The following TNK1 variants were observed in gnomAD, a reference collection of about 807,000 sequenced individuals.
TNK1 encodes tyrosine kinase non receptor 1, also known as non-receptor tyrosine-protein kinase TNK1.
Under a neutral mutation model 65.2 loss-of-function variants are expected in TNK1, and 53 were observed. The observed-to-expected ratio is 0.81, with a 90% confidence interval of 0.65 to 1.02. TNK1 has a LOEUF of 1.02. Ranked by LOEUF, TNK1 falls within the 50% of genes least tolerant of loss-of-function variation. TNK1 has a pLI of 0.00. For synonymous variants in TNK1, 353 were observed against 364.6 expected (o/e 0.97, Z 0.36); for missense variants, 837 against 878.4 (o/e 0.95, Z 0.60).
Position 7,384,563 on chromosome 17 carries a change from ATGTTCTCC to A in TNK1, c.947_954del (p.Met316ArgfsTer26). On this transcript the variant is annotated frameshift_variant, in exon 7 of 13. Coordinates refer to ENST00000688331, the MANE Select transcript of TNK1 (RefSeq NM_003985.6). LOFTEE classifies it high-confidence loss of function. ...GATGTTTGGGGTGACGCTGTGGGAG[ATGTTCTCC>A]GGGGGCGAGGAACCCTGGGCCGGGG... is the stretch of plus-strand genomic sequence containing the variant. The A allele has an allele frequency of 2.5e-6, 4 of 1,611,084 alleles. No homozygotes were observed. The highest frequency in any genetic ancestry group is 3.4e-6 in the Non-Finnish European group (4 of 1,178,536).
In TNK1 at chr17:7,384,209, G is replaced by T; in HGVS notation, c.822G>T (p.Arg274=). The change falls in exon 6 of 13, where the codon CGG becomes CGT. Residue 274 remains arginine (R), a synonymous_variant. Transcript: ENST00000688331. The stretch of plus-strand genomic sequence containing the variant: ...TGGTGCGGCCTCTGGGCGGTGCCCG[G>T]GGCCGCTACGTCATGGGCGGGCCCC... ...FGLVRPLGGA[R]GRYVMGGPRP... is the part of the protein sequence containing the mutation. The T allele has an allele frequency of 2.0e-6, 3 of 1,519,622 alleles. No homozygotes were observed. The highest frequency in any genetic ancestry group is 2.6e-6 in the Non-Finnish European group (3 of 1,141,508). 94.1% of individuals were successfully genotyped at this position (1,519,622 alleles called of 1,614,324 possible).
At chr17:7,384,383 A>G (rs1905051246) in intron 6 of TNK1, 101 bp from the exon 7 acceptor site, 4 of 1,441,774 alleles carry the variant, frequency 2.8e-6, no homozygotes, top group Non-Finnish European at 3.6e-6. Flanking sequence ...CTAGGCAAAG[A>G]GGACTTTTGT....
chr17:7,388,818 C>G lies in TNK1; in HGVS notation c.1807C>G (p.Gln603Glu). The G allele has an allele frequency of 6.2e-7, 1 of 1,608,056 alleles. No homozygotes were observed. The change falls in exon 12 of 13, where the codon CAG becomes GAG. Residue 603 changes from glutamine to glutamate, a missense_variant. Gln to Glu is a conservative substitution (Grantham distance 29). Coordinates refer to ENST00000688331, the MANE Select transcript of TNK1 (RefSeq NM_003985.6). The surrounding 1 kb of genome is among the most constrained non-coding windows in gnomAD (Gnocchi z 4.5). ...VELSVHGVTHQECQTALGATG... is the reference protein window; with the variant it reads ...VELSVHGVTHEECQTALGATG... ...GCTGAGTGTGCATGGGGTCACCCACCAGGAGTGCCAGACAGCACTAGGAGC... is the reference window on the plus strand; with the variant it reads ...GCTGAGTGTGCATGGGGTCACCCACGAGGAGTGCCAGACAGCACTAGGAGC...
At position 7,388,365 on chromosome 17, in the gene TNK1, C is replaced by T. The variant is rs898691987; in HGVS notation, c.1478-41C>T. 7 of 1,544,734 alleles carry T rather than the reference C, an allele frequency of 4.5e-6. No individual in the cohort carries two copies. Among genetic ancestry groups the T allele is most frequent in the South Asian group, 2.5e-5 (2 of 80,050 alleles). ...GCTTGAGCCCGGGAGGCGGAGGCTG[C>T]AGCCAGCCGAGTTCAAGTTGTTTCC... On this transcript the variant is annotated intron_variant, in intron 10 of 12. Coordinates refer to ENST00000688331, the MANE Select transcript of TNK1 (RefSeq NM_003985.6). This position sits in a 1 kb window ranked among gnomAD's most constrained non-coding sequence, Gnocchi z 4.5.
rs758306738 is a variant in TNK1 at position 7,383,306 on chromosome 17, A to G, written c.220A>G (p.Asn74Asp). ...KRLRSGPKSK[N>D]WVYKILGGFA... ...GCTACGTTCTGGGCCTAAGTCTAAG[A>G]ACTGGGTCTACAAGGTGTGTGTTGT... Residue 74 changes from asparagine to aspartate, a missense_variant, in exon 3 of 13, where the codon AAC becomes GAC. Transcript: ENST00000688331. 11 of 1,613,872 alleles carry G rather than the reference A, an allele frequency of 6.8e-6. No individual in the cohort carries two copies. Among genetic ancestry groups the G allele is most frequent in the Middle Eastern group, 1.6e-4 (1 of 6,084 alleles).
intron 7 of TNK1, among the ~76,000 whole-genome samples, chr17:7,385,311 G>C (rs1905118481): frequency 6.8e-6 from 1 of 147,570 alleles, no homozygotes; most frequent in South Asian, 2.2e-4. Flanking sequence ...GTTGCGGTGA[G>C]CCGAGATCAC....
Position 7,383,719 on chromosome 17 carries a change from C to T in TNK1, c.437C>T (p.Ala146Val), listed in dbSNP as rs1015394527. 1.2e-6 allele frequency: 2 copies of T among 1,612,054 alleles called. No homozygotes were observed. The highest frequency in any genetic ancestry group is 1.1e-5 in the South Asian group (1 of 90,686). The change falls in exon 5 of 13, where the codon GCT becomes GTT. Residue 146 changes from alanine to valine, a missense_variant. Physicochemically the swap from Ala to Val is moderately conservative, Grantham distance 64 (BLOSUM62 0). Transcript: ENST00000688331. ...TCCCCCCACCTCCAGGTCCCAGTGG[C>T]TGTCAAGTCCCTCCGGGTAGGTCCC... ...TLPSGKSVPV[A>V]VKSLRVGPEG...
At chr17:7,386,437 G>A in intron 7 of TNK1, 124 bp from the exon 8 acceptor site, 2 of 700,244 alleles carry the variant, frequency 2.9e-6, no homozygotes, top group Non-Finnish European at 4.9e-6. Flanking sequence ...GGGGGACAGG[G>A]AGAGTCCCAC....
rs765473026 is a variant in TNK1, at chr17:7,387,055, C to T, written c.1298C>T (p.Ser433Leu). The stretch of plus-strand genomic sequence containing the variant: ...TTCAAAGTGGGCAGCTTCCCAGCCT[C>T]GGCAGTGACGCTGGCAGATGCGGGG... ...RTFKVGSFPA[S>L]AVTLADAGGL... Residue 433 changes from serine to leucine, a missense_variant, in exon 9 of 13, where the codon TCG (serine) becomes TTG (leucine). Transcript: ENST00000688331. 30 of 1,611,356 alleles carry T rather than the reference C, an allele frequency of 1.9e-5. No individual in the cohort carries two copies. The highest frequency in any genetic ancestry group is 5.3e-5 in the African/African-American group (4 of 74,906).
intron 8 of TNK1, 115 bp downstream of exon 8, chr17:7,386,770 T>G: frequency 8.9e-7 from 1 of 1,121,012 alleles, no homozygotes; most frequent in Admixed American, 2.1e-5. Context: ...CTGTCTCATC[T>G]CCTCTCCCCA....
intron 7 of TNK1, among the ~76,000 whole-genome samples, chr17:7,385,708 GCGCC>G (rs1905146870): frequency 6.6e-6 from 1 of 152,064 alleles, no homozygotes. Flanking sequence ...GGGATTACAG[GCGCC>G]TGCCACCACG....
At position 7,381,117 on chromosome 17, in the gene TNK1, G is replaced by A. The variant is rs1182236867; in HGVS notation, c.-92+3G>A. 1 of 152,490 alleles carries A rather than the reference G, an allele frequency of 6.6e-6. No individual in the cohort carries two copies. The highest frequency in any genetic ancestry group is 1.5e-5 in the Non-Finnish European group (1 of 68,276). 9.4% of individuals were successfully genotyped at this position (152,490 alleles called of 1,614,324 possible). On this transcript the variant is annotated splice_donor_region_variant and intron_variant, in intron 1 of 12. Transcript: ENST00000688331. Reference sequence around the variant, plus strand: ...GTCGCCGCTTCCGCCTTGACCAGGTGAGGGTCCGGACCGAGCAGGGGGCCC... The same window carrying A: ...GTCGCCGCTTCCGCCTTGACCAGGTAAGGGTCCGGACCGAGCAGGGGGCCC...
Position 7,386,551 on chromosome 17 carries a change from G to T in TNK1, c.1138-10G>T. ...ACAAGCCCAGCCACCCTTTCCTCTT[G>T]TCTCCACAGGCCGGGCCTTCGGAAG... On this transcript the variant is annotated splice_polypyrimidine_tract_variant and intron_variant, in intron 7 of 12. Transcript: ENST00000688331. The T allele has an allele frequency of 6.3e-7, 1 of 1,592,552 alleles. No individual in the cohort carries two copies.
In TNK1 at chr17:7,389,031, C is replaced by T; in HGVS notation, c.1933C>T (p.His645Tyr). 1 of 1,555,172 alleles carries T rather than the reference C, an allele frequency of 6.4e-7. No individual in the cohort carries two copies. The highest frequency in any genetic ancestry group is 8.7e-7 in the Non-Finnish European group (1 of 1,148,860). ...SRADCWRILE[H>Y]YQWDLSAASR... ...AGCTGACTGCTGGCGCATCCTGGAG[C>T]ATTACCAGTGGGACCTCTCAGCTGC... The change falls in exon 13 of 13, where the codon CAT becomes TAT. Residue 645 changes from histidine (H) to tyrosine (Y), a missense_variant. Transcript: ENST00000688331.
intron 7 of TNK1, among the ~76,000 whole-genome samples, chr17:7,385,889 T>C (rs1420750578): frequency 2.6e-5 from 4 of 152,178 alleles, no homozygotes; most frequent in Admixed American, 6.5e-5. Context: ...ATTATCTCCA[T>C]GTTACTGATG....
chr17:7,382,263 C>T lies in TNK1; in HGVS notation c.-91-573C>T, dbSNP rs1379954002. On this transcript the variant is annotated intron_variant, in intron 1 of 12. Coordinates refer to ENST00000688331, the MANE Select transcript of TNK1 (RefSeq NM_003985.6). This position sits in a 1 kb window ranked among gnomAD's most constrained non-coding sequence, Gnocchi z 4.1. Reference sequence around the variant, plus strand: ...CCTAGATGACAGAGCGAGACTCCGTCTCAAAAAAAAAAAAAAAGAGGACAT... The same window carrying T: ...CCTAGATGACAGAGCGAGACTCCGTTTCAAAAAAAAAAAAAAAGAGGACAT... 3.8e-4 allele frequency among the ~76,000 whole-genome samples: 10 copies of T among 26,562 alleles called. No homozygotes were observed. Among genetic ancestry groups the T allele is most frequent in the African/African-American group, 1.4e-3 (10 of 6,940 alleles). 17.4% of individuals were successfully genotyped at this position (26,562 alleles called of 152,430 possible).
Position 7,384,004 on chromosome 17 carries a change from C to T in TNK1, c.617C>T (p.Ala206Val). The change falls in exon 6 of 13, where the codon GCG (alanine) becomes GTG (valine). Residue 206 changes from alanine to valine, a missense_variant. By Grantham distance (64) the Ala-to-Val change is moderately conservative. Transcript: ENST00000688331. The part of the protein sequence containing the change: ...MELAPLGSLH[A>V]RLTAPAPTPP... ...CTGGCGCCACTGGGCTCCCTGCACG[C>T]GCGCCTAACGGCCCCGGCCCCGACA... is the stretch of plus-strand genomic sequence containing the variant. 3 of 1,495,846 alleles carry T rather than the reference C, an allele frequency of 2.0e-6. No individual in the cohort carries two copies. Among genetic ancestry groups the T allele is most frequent in the South Asian group, 2.6e-5 (2 of 77,488 alleles). 92.7% of individuals were successfully genotyped at this position (1,495,846 alleles called of 1,614,324 possible).
intron 10 of TNK1, among the ~76,000 whole-genome samples, chr17:7,387,863 C>G (rs1168215584): frequency 6.6e-6 from 1 of 152,196 alleles, no homozygotes; most frequent in Non-Finnish European, 1.5e-5. Flanking sequence ...CTCGGCCTCT[C>G]AAAGTGCTGG....
chr17:7,386,640 C>A lies in TNK1; in HGVS notation c.1217C>A (p.Thr406Lys), dbSNP rs1392364703. The stretch of plus-strand genomic sequence containing the variant: ...AGGATGGAGACTGGTGACCCCATCA[C>A]AGTCATCGAGGGCAGGTGACAGTCC... ...ALRMETGDPI[T>K]VIEGSPDSTI... The change falls in exon 8 of 13, where the codon ACA (threonine) becomes AAA (lysine). Residue 406 changes from threonine to lysine, a missense_variant. Physicochemically the swap from Thr to Lys is moderately conservative, Grantham distance 78. Transcript: ENST00000688331. 1 of 1,592,978 alleles carries A rather than the reference C, an allele frequency of 6.3e-7. No individual in the cohort carries two copies. Among genetic ancestry groups the A allele is most frequent in the Admixed American group, 1.8e-5 (1 of 56,982 alleles).
Sources: gnomAD v4.1 joint callset for allele counts (sites outside exome capture counted in the v4.1 genomes callset) on GRCh38, gnomAD v4.1.1 for gene constraint, Gnocchi (gnomAD v3.1) non-coding constraint, MANE v1.5 for transcripts, NCBI Gene and HGNC (gene_info 2026-07-23, HGNC 2026-07-21) for gene names.